The following CDT1 variants were observed in gnomAD, a reference collection of about 807,000 sequenced individuals.
CDT1 encodes the protein DNA replication factor Cdt1.
In CDT1, 66 loss-of-function variants were observed where a neutral mutation model predicts 49.3. The ratio of observed to expected loss-of-function variants is 1.34; its 90% CI spans 1.10 to 1.64. The LOEUF is 1.64. Among genes scored for constraint, CDT1 ranks in the 40% most tolerant of loss-of-function variants. CDT1 has a pLI of 0.00. For missense variants in CDT1, 958 were observed against 807.7 expected (o/e 1.19, Z -2.26); for synonymous variants, 424 against 347.4 (o/e 1.22, Z -2.45).
rs2142942941 is a variant in CDT1 at position 88,805,384 on chromosome 16, G to GCACA, written c.489-56_489-55insCACA. The stretch of plus-strand genomic sequence containing the variant: ...TCTCCCTGGCCGAGGGGCCTGCTGT[G>GCACA]GCGTTGGAGGGGTAGGGGCCTACTG... On this transcript the variant is annotated intron_variant, in intron 3 of 9. Coordinates refer to ENST00000301019, the MANE Select transcript of CDT1 (RefSeq NM_030928.4). 2.3e-5 allele frequency: 36 copies of GCACA among 1,599,456 alleles called. No individual in the cohort carries two copies. In the South Asian group the frequency reaches 3.9e-4, roughly 17 times the overall value.
Position 88,804,789 on chromosome 16 carries a change from C to G in CDT1, c.379C>G (p.Leu127Val). ...CACCATCTCTGAGCTTGCGTCATGCCTGCAACGGGCCCGGGAGCTGGGGGC... is the reference window on the plus strand; with the variant it reads ...CACCATCTCTGAGCTTGCGTCATGCGTGCAACGGGCCCGGGAGCTGGGGGC... The part of the protein sequence containing the change: ...QDTISELASC[L>V]QRARELGARV... Residue 127 changes from leucine (L) to valine (V), a missense_variant, in exon 3 of 10, where the codon CTG (leucine) becomes GTG (valine). By Grantham distance (32) the Leu-to-Val change is conservative. Transcript: ENST00000301019. The G allele has an allele frequency of 6.2e-7, 1 of 1,612,840 alleles. No individual in the cohort carries two copies. Among genetic ancestry groups the G allele is most frequent in the Non-Finnish European group, 8.5e-7 (1 of 1,179,882 alleles).
Position 88,807,189 on chromosome 16 carries a change from G to T in CDT1, c.1261G>T (p.Asp421Tyr). 1 of 1,612,416 alleles carries T rather than the reference G, an allele frequency of 6.2e-7. No individual in the cohort carries two copies. Among genetic ancestry groups the T allele is most frequent in the Non-Finnish European group, 8.5e-7 (1 of 1,179,782 alleles). ...CAGTGCTCTGAAGGGGGTGTCCCAG[G>T]ATCTGCTGGAGCGGGTGAGTCGTCC... ...SPSALKGVSQ[D>Y]LLERIRAKEA... Residue 421 changes from aspartate (D) to tyrosine (Y), a missense_variant, in exon 8 of 10, where the codon GAT (aspartate) becomes TAT (tyrosine). By Grantham distance (160) the Asp-to-Tyr change is radical. Coordinates refer to ENST00000301019, the MANE Select transcript of CDT1 (RefSeq NM_030928.4).
Position 88,805,741 on chromosome 16 carries a change from A to G in CDT1, c.704A>G (p.Asn235Ser), listed in dbSNP as rs761792897. 4.0e-5 allele frequency: 64 copies of G among 1,612,848 alleles called. No homozygotes were observed. Among genetic ancestry groups the G allele is most frequent in the East Asian group, 1.6e-4 (7 of 44,888 alleles). ...TCCCATAGGCGTTTTGAGGAGTGCA[A>G]TGTTGGCCAGATCAAAACCGTGTAC... ...DMMRRRFEEC[N>S]VGQIKTVYPA... is the part of the protein sequence containing the mutation. The change falls in exon 5 of 10, where the codon AAT (asparagine) becomes AGT (serine). Residue 235 changes from asparagine to serine, a missense_variant. Transcript: ENST00000301019.
chr16:88,804,903 G>C lies in CDT1; in HGVS notation c.488+5G>C. 6.4e-7 allele frequency: 1 copy of C among 1,557,698 alleles called. No homozygotes were observed. The highest frequency in any genetic ancestry group is 1.2e-5 in the South Asian group (1 of 86,268). On this transcript the variant is annotated splice_donor_5th_base_variant and intron_variant, in intron 3 of 9. Coordinates refer to ENST00000301019, the MANE Select transcript of CDT1 (RefSeq NM_030928.4). ...GGGCCGCCCTGAGGAGCCATGGTGA[G>C]TGCTGGGTGGGCGGCCACGAGGCCC...
In CDT1 at chr16:88,805,766, C is replaced by T. The variant is rs541697158; in HGVS notation, c.729C>T (p.Tyr243=). The T allele has an allele frequency of 7.4e-6, 12 of 1,613,072 alleles. No individual in the cohort carries two copies. The South Asian group carries it at 9.9e-5, about 13-fold the overall frequency. Residue 243 remains tyrosine (Y), a synonymous_variant, in exon 5 of 10, where the codon TAC becomes TAT. Coordinates refer to ENST00000301019, the MANE Select transcript of CDT1 (RefSeq NM_030928.4). ...ATGTTGGCCAGATCAAAACCGTGTA[C>T]CCGGCCTCCTACCGCTTCCGCCAGG... ...ECNVGQIKTV[Y]PASYRFRQER... is the part of the protein sequence containing the mutation.
At position 88,805,369 on chromosome 16, in the gene CDT1, C is replaced by T. The variant is rs933068261; in HGVS notation, c.489-71C>T. 2.4e-5 allele frequency: 37 copies of T among 1,569,468 alleles called. No homozygotes were observed. In the Admixed American group the frequency reaches 2.9e-4, roughly 13 times the overall value. ...GGCCCCATCGGAGGGTCTCCCTGGCCGAGGGGCCTGCTGTGGCGTTGGAGG... is the reference window on the plus strand; with the variant it reads ...GGCCCCATCGGAGGGTCTCCCTGGCTGAGGGGCCTGCTGTGGCGTTGGAGG... On this transcript the variant is annotated intron_variant, in intron 3 of 9. Coordinates refer to ENST00000301019, the MANE Select transcript of CDT1 (RefSeq NM_030928.4).
Position 88,806,936 on chromosome 16 carries a change from C to T in CDT1, c.1123-115C>T, listed in dbSNP as rs1908878409. On this transcript the variant is annotated intron_variant, in intron 7 of 9. Transcript: ENST00000301019. The stretch of plus-strand genomic sequence containing the variant: ...GGGACACTGCATTGACCGGCACAGA[C>T]CACCCAGTGTGCTGGGTGAACTTGT... 2.9e-6 allele frequency: 4 copies of T among 1,385,698 alleles called. No individual in the cohort carries two copies. In the African/African-American group the frequency reaches 4.2e-5, roughly 15 times the overall value. The allele number at this position is 1,385,698 out of a possible 1,614,324, so 85.8% of individuals were successfully genotyped here. A position where few individuals can be genotyped will look rare whatever the true frequency, so the allele number is the denominator to read the frequency against.
chr16:88,804,872 G>T lies in CDT1; in HGVS notation c.462G>T (p.Glu154Asp). Reference protein sequence around the residue: ...AQDAGESCTPEAEGRPEEPCG... With the variant: ...AQDAGESCTPDAEGRPEEPCG... ...ATGCTGGGGAGTCCTGCACCCCAGA[G>T]GCCGAGGGCCGCCCTGAGGAGCCAT... The change falls in exon 3 of 10, where the codon GAG becomes GAT. Residue 154 changes from glutamate to aspartate, a missense_variant. By Grantham distance (45) the Glu-to-Asp change is conservative. Coordinates refer to ENST00000301019, the MANE Select transcript of CDT1 (RefSeq NM_030928.4). The T allele has an allele frequency of 6.3e-7, 1 of 1,595,074 alleles. No homozygotes were observed. Among genetic ancestry groups the T allele is most frequent in the Non-Finnish European group, 8.5e-7 (1 of 1,173,154 alleles).
Position 88,809,191 on chromosome 16 carries a change from C to T in CDT1, c.*913C>T. 3 of 341,632 alleles carry T rather than the reference C, an allele frequency of 8.8e-6. No individual in the cohort carries two copies. The highest frequency in any genetic ancestry group is 6.7e-5 in the South Asian group (3 of 44,560). The allele number at this position is 341,632 out of a possible 1,614,324, so 21.2% of individuals were successfully genotyped here. On this transcript the variant is annotated 3_prime_UTR_variant, in exon 10 of 10. Transcript: ENST00000301019. ...TGGAGCCTCCAGAAGGGACTGGCCTCTGCCCACACCTTGACTTCAGTATTT... is the reference window on the plus strand; with the variant it reads ...TGGAGCCTCCAGAAGGGACTGGCCTTTGCCCACACCTTGACTTCAGTATTT...
chr16:88,809,134 G>A lies in CDT1; in HGVS notation c.*856G>A, dbSNP rs1908996892. On this transcript the variant is annotated 3_prime_UTR_variant, in exon 10 of 10. Transcript: ENST00000301019. ...GGCCCTGCCCCGACACAGGCAGCCT[G>A]GAGAAGCTGGGCAGGACAAGTAGGA... The A allele has an allele frequency of 3.9e-6, 1 of 258,076 alleles. No individual in the cohort carries two copies. Among genetic ancestry groups the A allele is most frequent in the South Asian group, 4.1e-5 (1 of 24,214 alleles). 16.0% of individuals were successfully genotyped at this position (258,076 alleles called of 1,614,324 possible).
At position 88,806,545 on chromosome 16, in the gene CDT1, G is replaced by A; in HGVS notation, c.993G>A (p.Trp331Ter). ...MVVPEDQLTR[W>*]HPRFNVDEVP... ...TGCCGGAGGACCAGCTGACCCGCTGGCACCCGCGCTTCAACGTGGATGAAG... is the reference window on the plus strand; with the variant it reads ...TGCCGGAGGACCAGCTGACCCGCTGACACCCGCGCTTCAACGTGGATGAAG... Residue 331 changes from tryptophan (W) to a stop codon, truncating the protein, a stop_gained, in exon 7 of 10, where the codon TGG becomes TGA. Transcript: ENST00000301019. LOFTEE classifies it high-confidence loss of function. 6.2e-7 allele frequency: 1 copy of A among 1,609,950 alleles called. No homozygotes were observed. Among genetic ancestry groups the A allele is most frequent in the Non-Finnish European group, 8.5e-7 (1 of 1,178,854 alleles).
At chr16:88,807,731 C>G (rs1908921804) in intron 9 of CDT1, among the ~76,000 whole-genome samples, 1 of 152,206 alleles carries the variant, frequency 6.6e-6, no homozygotes, top group Non-Finnish European at 1.5e-5. Flanking sequence ...CTGGCCCTTT[C>G]CCTGACCACC....
chr16:88,805,469 T>A lies in CDT1; in HGVS notation c.518T>A (p.Phe173Tyr), dbSNP rs764491070. The change falls in exon 4 of 10, where the codon TTC (phenylalanine) becomes TAC (tyrosine). Residue 173 changes from phenylalanine to tyrosine, a missense_variant. Physicochemically the swap from Phe to Tyr is conservative, Grantham distance 22. Transcript: ENST00000301019. ...GAGAAGGCGCCCGCCTACCAGCGCT[T>A]CCATGCCCTGGCCCAGCCCGGCCTG... Reference protein sequence around the residue: ...CGEKAPAYQRFHALAQPGLPG... With the variant: ...CGEKAPAYQRYHALAQPGLPG... 1.3e-5 allele frequency: 21 copies of A among 1,612,686 alleles called. No individual in the cohort carries two copies. The Middle Eastern group carries it at 8.2e-4, about 63-fold the overall frequency.
In CDT1 at chr16:88,805,883, G is replaced by A. The variant is rs1908836886; in HGVS notation, c.832+14G>A. 13 of 1,612,152 alleles carry A rather than the reference G, an allele frequency of 8.1e-6. No homozygotes were observed. Among genetic ancestry groups the A allele is most frequent in the Non-Finnish European group, 1.0e-5 (12 of 1,179,740 alleles). On this transcript the variant is annotated intron_variant, in intron 5 of 9. Coordinates refer to ENST00000301019, the MANE Select transcript of CDT1 (RefSeq NM_030928.4). ...TGCTGGAGCAGGGTGAGTGCTGGGT[G>A]CGGGACCTCGGTTTCCCCATCTGTG...
Position 88,805,592 on chromosome 16 carries a change from C to T in CDT1, c.641C>T (p.Pro214Leu). 2 of 1,612,830 alleles carry T rather than the reference C, an allele frequency of 1.2e-6. No individual in the cohort carries two copies. Among genetic ancestry groups the T allele is most frequent in the Non-Finnish European group, 1.7e-6 (2 of 1,179,964 alleles). ...ATGCTCCACAACCGCTCCGAGACGC[C>T]CACCTTTGCCAAGGTCCAGCGGGGC... ...VGMLHNRSETPTFAKVQRGVQ... is the reference protein window; with the variant it reads ...VGMLHNRSETLTFAKVQRGVQ... Residue 214 changes from proline (P) to leucine (L), a missense_variant, in exon 4 of 10, where the codon CCC (proline) becomes CTC (leucine). Pro to Leu is a moderately conservative substitution (Grantham distance 98, BLOSUM62 -3). Coordinates refer to ENST00000301019, the MANE Select transcript of CDT1 (RefSeq NM_030928.4).
intron 1 of CDT1, 131 bp from the exon 2 acceptor site, chr16:88,804,414 G>A (rs1597504070): frequency 9.3e-6 from 11 of 1,184,754 alleles, no homozygotes; most frequent in African/African-American, 1.5e-5. Flanking sequence ...CACCATCTAC[G>A]GGAAGTCCTA....
Position 88,806,542 on chromosome 16 carries a change from C to G in CDT1, c.990C>G (p.Arg330=), listed in dbSNP as rs1240878958. 2 of 1,610,194 alleles carry G rather than the reference C, an allele frequency of 1.2e-6. No individual in the cohort carries two copies. The highest frequency in any genetic ancestry group is 1.7e-6 in the Non-Finnish European group (2 of 1,178,956). The change falls in exon 7 of 10, where the codon CGC becomes CGG. Residue 330 remains arginine (R), a synonymous_variant. Coordinates refer to ENST00000301019, the MANE Select transcript of CDT1 (RefSeq NM_030928.4). ...AMVVPEDQLT[R]WHPRFNVDEV... Reference sequence around the variant, plus strand: ...TGGTGCCGGAGGACCAGCTGACCCGCTGGCACCCGCGCTTCAACGTGGATG... The same window carrying G: ...TGGTGCCGGAGGACCAGCTGACCCGGTGGCACCCGCGCTTCAACGTGGATG...
chr16:88,804,081 A>C, intron 1 of CDT1, 22 bp downstream of exon 1: 1 of 1,367,900 alleles, frequency 7.3e-7, no homozygotes, highest in East Asian at 3.0e-5. Flanking sequence ...GGGGAGACTG[A>C]GGCCGGGGAG....
At position 88,806,495 on chromosome 16, in the gene CDT1, G is replaced by A. The variant is rs756845256; in HGVS notation, c.943G>A (p.Ala315Thr). 69 of 1,610,226 alleles carry A rather than the reference G, an allele frequency of 4.3e-5. No homozygotes were observed. Among genetic ancestry groups the A allele is most frequent in the Non-Finnish European group, 5.3e-5 (63 of 1,178,978 alleles). ...HVKEHHKAFL[A>T]SLSPAMVVPE... ...TACTCCTTCTCCCCAGGCCTTCCTGGCCTCCCTGAGCCCCGCCATGGTGGT... is the reference window on the plus strand; with the variant it reads ...TACTCCTTCTCCCCAGGCCTTCCTGACCTCCCTGAGCCCCGCCATGGTGGT... Residue 315 changes from alanine (A) to threonine (T), a missense_variant, in exon 7 of 10, where the codon GCC becomes ACC. Transcript: ENST00000301019.
Sources: allele counts gnomAD v4.1 joint callset (sites outside exome capture counted in the v4.1 genomes callset), GRCh38; gene constraint gnomAD v4.1.1; transcripts MANE v1.5; gene names NCBI Gene and HGNC (gene_info 2026-07-23, HGNC 2026-07-21).